DCDC2: variants seen among roughly 807,000 people sequenced by gnomAD.
DCDC2 encodes the protein doublecortin domain containing 2, also known as doublecortin domain-containing protein 2.
DCDC2 carries 40 observed loss-of-function variants against 50.2 expected under a neutral mutation model. That is an observed-to-expected ratio of 0.80 (90% CI 0.62 to 1.04). The LOEUF is 1.04. Among genes scored for constraint, DCDC2 ranks in the 50% least tolerant of loss-of-function variants. The probability of loss-of-function intolerance (pLI) is 0.00; values close to 1 mark genes in which losing one functional copy is unlikely to be tolerated. For missense variants in DCDC2, 570 were observed against 581.9 expected (o/e 0.98, Z 0.21); for synonymous variants, 234 against 210.6 (o/e 1.11, Z -0.96).
chr6:24,193,308 G>C (rs1761351224), intron 8 of DCDC2, among the ~76,000 whole-genome samples: 1 of 152,094 alleles, frequency 6.6e-6, no homozygotes, highest in Non-Finnish European at 1.5e-5. Flanking sequence ...TCCAAAAAAA[G>C]AAGAGAACCA....
intron 7 of DCDC2, among the ~76,000 whole-genome samples, chr6:24,255,987 C>A (rs2079054889): frequency 6.6e-6 from 1 of 152,094 alleles, no homozygotes; most frequent in Non-Finnish European, 1.5e-5. Context: ...GGAAACAAGA[C>A]AAAACTCCAT....
chr6:24,198,927 T>C (rs940081724), intron 8 of DCDC2, among the ~76,000 whole-genome samples: 5 of 152,320 alleles, frequency 3.3e-5, no homozygotes, highest in African/African-American at 4.8e-5. Flanking sequence ...CTGTAGCTCC[T>C]CAAAGCCACT....
chr6:24,190,932 ATCT>A (rs1370993516), intron 8 of DCDC2, among the ~76,000 whole-genome samples: 1 of 152,196 alleles, frequency 6.6e-6, no homozygotes, highest in Non-Finnish European at 1.5e-5. Flanking sequence ...GAAGCCCCTC[ATCT>A]TCTCACTTCT....
At chr6:24,211,854 G>C (rs955763320) in intron 7 of DCDC2, among the ~76,000 whole-genome samples, 1 of 152,156 alleles carries the variant, frequency 6.6e-6, no homozygotes, top group African/African-American at 2.4e-5. Context: ...TTGTTTTAAG[G>C]CACCATGTTT....
At chr6:24,243,585 C>A (rs750341849) in intron 7 of DCDC2, among the ~76,000 whole-genome samples, 10 of 152,162 alleles carry the variant, frequency 6.6e-5, no homozygotes, top group Non-Finnish European at 1.5e-4. Context: ...AATAGAATAA[C>A]AAAACCCCTC....
rs1303170356 is a variant in DCDC2 at position 24,290,995 on chromosome 6, T to TTA, written c.639_640dup (p.Lys214IlefsTer18). ...CTCACTGTAAGGCAGTTTCTTAAAC[T>TTA]TATCTCTGCCAACAGCCACATAAAA... On this transcript the variant is annotated frameshift_variant, in exon 5 of 10. Transcript: ENST00000378454. LOFTEE classifies it high-confidence loss of function. 1.2e-6 allele frequency: 2 copies of TTA among 1,613,952 alleles called. No individual in the cohort carries two copies. The highest frequency in any genetic ancestry group is 3.3e-5 in the Admixed American group (2 of 60,000).
chr6:24,275,415 T>C (rs1313909506), intron 7 of DCDC2, among the ~76,000 whole-genome samples: 1 of 152,208 alleles, frequency 6.6e-6, no homozygotes. Flanking sequence ...CAAAATCCTT[T>C]TTCATTTTTC....
chr6:24,220,887 A>AGAGCGAGCGAGTGAGCGAGCGAGCGAGC (rs879543671), intron 7 of DCDC2, among the ~76,000 whole-genome samples: 1 of 114,848 alleles, frequency 8.7e-6, no homozygotes, highest in African/African-American at 3.7e-5. Flanking sequence ...CGAGAGCGAG[A>AGAGCGAGCGAGTGAGCGAGCGAGCGAGC]GAGTGAGCGA....
intron 4 of DCDC2, among the ~76,000 whole-genome samples, chr6:24,298,898 C>A (rs998045253): frequency 6.6e-6 from 1 of 152,194 alleles, no homozygotes; most frequent in Non-Finnish European, 1.5e-5. Flanking sequence ...AACAATTCAA[C>A]TTCTAGACTT....
intron 9 of DCDC2, 121 bp from the exon 10 acceptor site, chr6:24,174,955 G>C (rs1285600089): frequency 9.9e-6 from 5 of 503,950 alleles, no homozygotes; most frequent in Middle Eastern, 1.1e-3. Context: ...ACTAAAAAGA[G>C]TTCCTGGGGT....
intron 7 of DCDC2, among the ~76,000 whole-genome samples, chr6:24,206,240 G>C (rs1761716172): frequency 6.6e-6 from 1 of 152,126 alleles, no homozygotes; most frequent in Admixed American, 6.5e-5. Flanking sequence ...AATGTGGACT[G>C]TTCTCTCAAG....
At chr6:24,358,889 T>G (rs9689849), upstream of DCDC2, among the ~76,000 whole-genome samples, 8 of 18,026 alleles carry the variant, frequency 4.4e-4, 1 homozygote, top group Admixed American at 5.0e-3. Flanking sequence ...TTATATATAT[T>G]TATATATATA....
In DCDC2 at chr6:24,346,679, G is replaced by A. The variant is rs182016354; in HGVS notation, c.348+6890C>T. Among the ~76,000 whole-genome samples the A allele has an allele frequency of 1.8e-4, 28 of 151,942 alleles. No individual in the cohort carries two copies. The East Asian group carries it at 5.2e-3, about 28-fold the overall frequency. On this transcript the variant is annotated intron_variant, in intron 2 of 9. Coordinates refer to ENST00000378454, the MANE Select transcript of DCDC2 (RefSeq NM_016356.5). Reference sequence around the variant, plus strand: ...AAGGCATGGAGAATCGCTTGAACGCGGGAGGTAGATGTTGCAGTGAGCCGA... The same window carrying A: ...AAGGCATGGAGAATCGCTTGAACGCAGGAGGTAGATGTTGCAGTGAGCCGA...
the DCDC2 span, among the ~76,000 whole-genome samples, chr6:24,374,910 G>C: frequency 6.6e-6 from 1 of 152,168 alleles, no homozygotes; most frequent in Non-Finnish European, 1.5e-5. Context: ...GGCTGCCTGC[G>C]AGGAGCCCCA....
chr6:24,211,306 G>A (rs948577057), intron 7 of DCDC2, among the ~76,000 whole-genome samples: 1 of 152,142 alleles, frequency 6.6e-6, no homozygotes, highest in Non-Finnish European at 1.5e-5. Flanking sequence ...TTGGATGGAG[G>A]GTAGAGAGGA....
intron 7 of DCDC2, among the ~76,000 whole-genome samples, chr6:24,211,342 A>C (rs1387762221): frequency 6.6e-6 from 1 of 152,184 alleles, no homozygotes; most frequent in Non-Finnish European, 1.5e-5. Context: ...ACGAGAAAGA[A>C]GACAGATTGA....
chr6:24,238,479 A>T (rs1762501322), intron 7 of DCDC2, among the ~76,000 whole-genome samples: 1 of 151,676 alleles, frequency 6.6e-6, no homozygotes. Flanking sequence ...GTATATTTTT[A>T]GTAGAGATGG....
At chr6:24,185,825 C>G (rs1024200187) in intron 8 of DCDC2, among the ~76,000 whole-genome samples, 4 of 152,042 alleles carry the variant, frequency 2.6e-5, no homozygotes, top group Non-Finnish European at 5.9e-5. Context: ...AAAAGAAATA[C>G]AAGAGGCAAA....
At chr6:24,272,620 A>G (rs559356038) in intron 7 of DCDC2, among the ~76,000 whole-genome samples, 3 of 152,344 alleles carry the variant, frequency 2.0e-5, no homozygotes, top group Admixed American at 6.5e-5. Flanking sequence ...AAAATGCTCA[A>G]TGTCACTAAT....
Sources: allele counts gnomAD v4.1 joint callset (sites outside exome capture counted in the v4.1 genomes callset), GRCh38; gene constraint gnomAD v4.1.1; transcripts MANE v1.5; gene names NCBI Gene and HGNC (gene_info 2026-07-23, HGNC 2026-07-21).